CNTNAP2: variants seen among roughly 807,000 people sequenced by gnomAD.
CNTNAP2 encodes the protein contactin associated protein 2, also known as contactin-associated protein-like 2.
CNTNAP2 carries 98 observed loss-of-function variants against 155.2 expected under a neutral mutation model. The observed-to-expected ratio is 0.63, with a 90% CI of 0.54 to 0.75. The LOEUF is 0.75. Among genes scored for constraint, CNTNAP2 ranks in the 30% least tolerant of loss-of-function variants. CNTNAP2 has a pLI of 0.00. For synonymous variants in CNTNAP2, 651 were observed against 631.2 expected (o/e 1.03, Z -0.47); for missense variants, 1,727 against 1,688.1 (o/e 1.02, Z -0.40).
At chr7:148,299,422 T>C (rs1260743758) in intron 21 of CNTNAP2, among the ~76,000 whole-genome samples, 4 of 152,228 alleles carry the variant, frequency 2.6e-5, no homozygotes, top group Non-Finnish European at 5.9e-5. Context: ...CCAGAGAAAG[T>C]TCTGATGAGC....
At chr7:146,409,405 T>C (rs1795836494) in intron 1 of CNTNAP2, among the ~76,000 whole-genome samples, 1 of 152,194 alleles carries the variant, frequency 6.6e-6, no homozygotes. Context: ...TTTTTAGTTT[T>C]AAAGATACAT....
rs1214437103 is a variant in CNTNAP2 at position 147,016,395 on chromosome 7, A to G, written c.403-27512A>G. ...AGGAATCTGATATTCCTGTATTCAAATCTCCCCTCTTGTTCATGATAGAGT... is the reference window on the plus strand; with the variant it reads ...AGGAATCTGATATTCCTGTATTCAAGTCTCCCCTCTTGTTCATGATAGAGT... On this transcript the variant is annotated intron_variant, in intron 3 of 23. Coordinates refer to ENST00000361727, the MANE Select transcript of CNTNAP2 (RefSeq NM_014141.6). 4.6e-5 allele frequency among the ~76,000 whole-genome samples: 7 copies of G among 152,120 alleles called. No individual in the cohort carries two copies. The South Asian group carries it at 1.4e-3, about 31-fold the overall frequency.
chr7:147,641,993 C>T (rs1200325082), intron 13 of CNTNAP2, among the ~76,000 whole-genome samples: 2 of 143,558 alleles, frequency 1.4e-5, no homozygotes, highest in African/African-American at 2.7e-5. Context: ...TTTCACTTAT[C>T]ATAGGTGTGT....
chr7:147,738,194 A>G (rs1044502971), intron 13 of CNTNAP2, among the ~76,000 whole-genome samples: 4 of 152,164 alleles, frequency 2.6e-5, no homozygotes, highest in Admixed American at 6.5e-5. Flanking sequence ...GATGGAAACT[A>G]CTCATGCTGA....
At position 148,081,376 on chromosome 7, in the gene CNTNAP2, G is replaced by A. The variant is rs554077993; in HGVS notation, c.2384-36742G>A. ...AGGAGATTAACATTTGAGTCCGTGG[G>A]CTGCAAAAGGCCGACCCACCCTTAA... is the stretch of plus-strand genomic sequence containing the variant. On this transcript the variant is annotated intron_variant, in intron 15 of 23. Coordinates refer to ENST00000361727, the MANE Select transcript of CNTNAP2 (RefSeq NM_014141.6). Among the ~76,000 whole-genome samples the A allele has an allele frequency of 3.9e-5, 6 of 152,166 alleles. No homozygotes were observed. In the East Asian group the frequency reaches 1.2e-3, roughly 30 times the overall value.
chr7:148,158,222 C>CTTT lies in CNTNAP2; in HGVS notation c.2773+10530_2773+10532dup, dbSNP rs1224617335. Among the ~76,000 whole-genome samples the CTTT allele has an allele frequency of 4.2e-4, 40 of 94,760 alleles. 4 individuals are homozygous for CTTT. The highest frequency in any genetic ancestry group is 1.7e-3 in the African/African-American group (34 of 20,122). 62.2% of individuals were successfully genotyped at this position (94,760 alleles called of 152,430 possible). ...AGTGATGATAGGTACAATGTTTGCG[C>CTTT]TTTTTTTTTTTTTTTTTTTGAGACA... On this transcript the variant is annotated intron_variant, in intron 17 of 23. Transcript: ENST00000361727.
chr7:147,309,094 TC>T (rs375361188), intron 9 of CNTNAP2, among the ~76,000 whole-genome samples: 1 of 152,182 alleles, frequency 6.6e-6, no homozygotes, highest in African/African-American at 2.4e-5. Flanking sequence ...TGGCCTTTGT[TC>T]CATCAGTGTT....
chr7:146,275,731 G>A (rs1290368010), intron 1 of CNTNAP2, among the ~76,000 whole-genome samples: 1 of 152,302 alleles, frequency 6.6e-6, no homozygotes, highest in Non-Finnish European at 1.5e-5. Context: ...ACAAGAATGC[G>A]ATGTAGGCAC....
At chr7:147,113,683 A>C (rs776546748) in intron 5 of CNTNAP2, among the ~76,000 whole-genome samples, 1 of 152,118 alleles carries the variant, frequency 6.6e-6, no homozygotes, top group Non-Finnish European at 1.5e-5. Flanking sequence ...CCCCCAACAC[A>C]TGGGGATTAT....
At chr7:146,176,117 T>G (rs1281569341) in intron 1 of CNTNAP2, among the ~76,000 whole-genome samples, 1 of 152,192 alleles carries the variant, frequency 6.6e-6, no homozygotes, top group African/African-American at 2.4e-5. Context: ...CATGTCAGAA[T>G]AAACAAAAGT....
At chr7:147,249,923 T>A (rs1297845320) in intron 8 of CNTNAP2, among the ~76,000 whole-genome samples, 1 of 152,198 alleles carries the variant, frequency 6.6e-6, no homozygotes, top group Non-Finnish European at 1.5e-5. Context: ...TAAATCAGCC[T>A]GTGGATTAGG....
At chr7:147,242,460 TATA>T (rs1285915904) in intron 8 of CNTNAP2, among the ~76,000 whole-genome samples, 2 of 152,184 alleles carry the variant, frequency 1.3e-5, no homozygotes, top group Non-Finnish European at 2.9e-5. Context: ...TTTGTTTAAT[TATA>T]ATCCATGTGT....
chr7:146,227,056 C>G (rs2080179), intron 1 of CNTNAP2, among the ~76,000 whole-genome samples: 106,495 of 151,960 alleles, frequency 0.7, 38,142 homozygotes, highest in East Asian at 0.94. Context: ...TTTTTTAAGA[C>G]ACACTTATGT....
intron 1 of CNTNAP2, among the ~76,000 whole-genome samples, chr7:146,724,228 C>A (rs1801389795): frequency 2.0e-5 from 3 of 152,070 alleles, no homozygotes; most frequent in Admixed American, 6.6e-5. Flanking sequence ...GTACTTAAGT[C>A]TTAGGAATAT....
At chr7:146,269,406 C>T (rs886618984) in intron 1 of CNTNAP2, among the ~76,000 whole-genome samples, 3 of 152,048 alleles carry the variant, frequency 2.0e-5, no homozygotes, top group Admixed American at 6.6e-5. Flanking sequence ...GGGATCCTAT[C>T]CTACAGATGG....
intron 1 of CNTNAP2, among the ~76,000 whole-genome samples, chr7:146,559,614 G>T (rs1355437445): frequency 6.6e-6 from 1 of 151,770 alleles, no homozygotes; most frequent in African/African-American, 2.4e-5. Context: ...CAGAAAAATC[G>T]AATTATTTTA....
chr7:147,613,709 G>C (rs1292938597), intron 12 of CNTNAP2, among the ~76,000 whole-genome samples: 2 of 152,080 alleles, frequency 1.3e-5, no homozygotes, highest in African/African-American at 2.4e-5. Context: ...CAGGCATGGT[G>C]GTGGGCACCC....
chr7:146,279,429 AACACACACACACACAC>A (rs60178387), intron 1 of CNTNAP2, among the ~76,000 whole-genome samples: 3 of 144,612 alleles, frequency 2.1e-5, no homozygotes, highest in African/African-American at 5.0e-5. Context: ...CATTTCCTTA[AACACACACACACACAC>A]ACACACACAC....
chr7:148,305,289 C>G (rs1402789156), intron 21 of CNTNAP2, among the ~76,000 whole-genome samples: 2 of 142,092 alleles, frequency 1.4e-5, no homozygotes, highest in South Asian at 4.6e-4. Flanking sequence ...TTTCCTTAAT[C>G]ATTATATTGT....
Sources: gnomAD v4.1 joint callset for allele counts (sites outside exome capture counted in the v4.1 genomes callset) on GRCh38, gnomAD v4.1.1 for gene constraint, MANE v1.5 for transcripts, NCBI Gene and HGNC (gene_info 2026-07-23, HGNC 2026-07-21) for gene names.